Variants in DMD observed in about 807,000 individuals in gnomAD.
The protein encoded by DMD is dystrophin.
Under a neutral mutation model 330.1 loss-of-function variants are expected in DMD, and 63 were observed. The observed-to-expected ratio is 0.19, with a 90% CI of 0.16 to 0.24. The LOEUF (loss-of-function observed/expected upper bound fraction) is 0.24, where lower values mean the gene tolerates loss of function less well. DMD is among the 10% of genes least tolerant of loss of function. The pLI is 1.00. For synonymous variants in DMD, 1,223 were observed against 959.8 expected (o/e 1.27, Z -5.07); for missense variants, 3,344 against 2,684.1 (o/e 1.25, Z -5.43).
intron 47 of DMD, among the ~76,000 whole-genome samples, chrX:31,920,365 T>C (rs943676393): frequency 6.3e-5 from 7 of 111,870 alleles, no homozygotes; most frequent in Admixed American, 4.8e-4. Flanking sequence ...GTCTTAAATA[T>C]GGCCTTTAAT....
intron 7 of DMD, among the ~76,000 whole-genome samples, chrX:32,717,316 C>G (rs2065833091): frequency 9.0e-6 from 1 of 111,257 alleles, no homozygotes; most frequent in African/African-American, 3.3e-5. Context: ...ACACTGCTCC[C>G]TATGTCCCAG....
chrX:31,492,465 C>T (rs1484580153), intron 57 of DMD, among the ~76,000 whole-genome samples: 1 of 111,792 alleles, frequency 8.9e-6, no homozygotes, highest in Non-Finnish European at 1.9e-5. Context: ...CACTCAGGAG[C>T]GATGATGTTG....
intron 1 of DMD, among the ~76,000 whole-genome samples, chrX:33,085,037 T>C (rs1032174489): frequency 3.6e-5 from 4 of 111,507 alleles, no homozygotes; most frequent in Admixed American, 1.9e-4. Context: ...GGTTGTTTTA[T>C]TGTAGCTCAA....
At position 33,158,945 on chromosome X, in the gene DMD, A is replaced by G. The variant is rs188779567; in HGVS notation, c.31+52337T>C. The stretch of plus-strand genomic sequence containing the variant: ...GATAACATTCCCTCATATTTAGGAG[A>G]TAAACTGTCTGCATACATCAATATT... On this transcript the variant is annotated intron_variant, in intron 1 of 78. Coordinates refer to ENST00000357033, the MANE Select transcript of DMD (RefSeq NM_004006.3). Among the ~76,000 whole-genome samples the G allele has an allele frequency of 4.3e-3, 486 of 112,023 alleles. 11 individuals carry two copies. The highest frequency in any genetic ancestry group is 5.4e-3 in the Non-Finnish European group (286 of 53,246).
intron 41 of DMD, among the ~76,000 whole-genome samples, chrX:32,328,983 C>T (rs1300191833): frequency 9.0e-6 from 1 of 111,199 alleles, no homozygotes; most frequent in African/African-American, 3.3e-5. Context: ...ACAGAACAAC[C>T]AACTCTGAAA....
intron 42 of DMD, among the ~76,000 whole-genome samples, chrX:32,298,184 A>C (rs1027397513): frequency 5.4e-5 from 6 of 110,923 alleles, no homozygotes; most frequent in Admixed American, 9.6e-5. Flanking sequence ...TAGAGTCTAC[A>C]GGGGAGAAGG....
intron 22 of DMD, among the ~76,000 whole-genome samples, chrX:32,471,456 T>C (rs934300864): frequency 1.8e-5 from 2 of 111,776 alleles, no homozygotes; most frequent in Non-Finnish European, 3.8e-5. Context: ...TTTATAAATA[T>C]AGCCAGCCCT....
chrX:32,125,908 T>G (rs1469719202), intron 44 of DMD, among the ~76,000 whole-genome samples: 1 of 112,090 alleles, frequency 8.9e-6, no homozygotes, highest in Non-Finnish European at 1.9e-5. Context: ...ACCAGCAGCA[T>G]CAGCATCACT....
chrX:32,172,601 T>C (rs1045904679), intron 44 of DMD, among the ~76,000 whole-genome samples: 1 of 111,453 alleles, frequency 9.0e-6, no homozygotes, highest in Non-Finnish European at 1.9e-5. Flanking sequence ...CTGTCACCTA[T>C]GATCCCACAG....
chrX:32,148,966 T>C, intron 44 of DMD, among the ~76,000 whole-genome samples: 1 of 112,032 alleles, frequency 8.9e-6, no homozygotes, highest in Middle Eastern at 4.7e-3. Context: ...ACTGAATACT[T>C]TGATGAGGTT....
Position 31,924,697 on chromosome X carries a change from C to T in DMD, c.6912+4899G>A, listed in dbSNP as rs768971729. Among the ~76,000 whole-genome samples, 299 of 111,741 alleles carry T rather than the reference C, an allele frequency of 2.7e-3. 4 individuals carry two copies. The highest frequency in any genetic ancestry group is 9.2e-3 in the African/African-American group (284 of 30,805). Reference sequence around the variant, plus strand: ...GTATTTGTAAACCTACCTTTTTCCTCGGTAAAGTGAATAAGATGCACTTAA... The same window carrying T: ...GTATTTGTAAACCTACCTTTTTCCTTGGTAAAGTGAATAAGATGCACTTAA... On this transcript the variant is annotated intron_variant, in intron 47 of 78. Coordinates refer to ENST00000357033, the MANE Select transcript of DMD (RefSeq NM_004006.3).
intron 43 of DMD, among the ~76,000 whole-genome samples, chrX:32,277,918 G>A (rs928103367): frequency 9.1e-6 from 1 of 110,364 alleles, no homozygotes; most frequent in Non-Finnish European, 1.9e-5. Context: ...ACAAGCAGGA[G>A]CAAATCGAAC....
chrX:33,044,799 G>A (rs187158435), intron 1 of DMD, among the ~76,000 whole-genome samples: 121 of 111,889 alleles, frequency 1.1e-3, no homozygotes, highest in African/African-American at 3.6e-3. Flanking sequence ...CCTACTTCTC[G>A]TAAGGAAAAT....
intron 1 of DMD, among the ~76,000 whole-genome samples, chrX:33,033,096 G>C (rs780142612): frequency 9.0e-6 from 1 of 110,927 alleles, no homozygotes; most frequent in Admixed American, 9.6e-5. Flanking sequence ...GAGTTAATCA[G>C]GTGCCAATGC....
At chrX:32,687,372 T>A (rs1434857991) in intron 9 of DMD, among the ~76,000 whole-genome samples, 1 of 112,035 alleles carries the variant, frequency 8.9e-6, no homozygotes, top group African/African-American at 3.2e-5. Flanking sequence ...CATGTTATTC[T>A]TCGGATGTAA....
chrX:31,766,704 A>G (rs113948085), intron 51 of DMD, among the ~76,000 whole-genome samples: 8 of 112,539 alleles, frequency 7.1e-5, no homozygotes, highest in Non-Finnish European at 1.3e-4. Context: ...TTTTGACAGA[A>G]AAGTTTACAG....
chrX:31,339,936 T>C (rs937540775), intron 61 of DMD, among the ~76,000 whole-genome samples: 1 of 112,704 alleles, frequency 8.9e-6, no homozygotes, highest in Non-Finnish European at 1.9e-5. Context: ...ATATTTCAAA[T>C]TGTCTGTCCC....
rs2148959937 is a variant in DMD at position 32,545,265 on chromosome X, C to T, written c.2062G>A (p.Val688Met). The T allele has an allele frequency of 8.3e-7, 1 of 1,210,544 alleles. No homozygotes were observed. The highest frequency in any genetic ancestry group is 1.1e-6 in the Non-Finnish European group (1 of 894,566). Residue 688 changes from valine (V) to methionine (M), a missense_variant, in exon 17 of 79, where the codon GTG becomes ATG. Coordinates refer to ENST00000357033, the MANE Select transcript of DMD (RefSeq NM_004006.3). ...ACCAGGATCTGTTCCCTTGTGGTCA[C>T]CGTAGTTACTGTTTCCATTACAGTT... ...QTTVMETVTTVTTREQILVKH... is the reference protein window; with the variant it reads ...QTTVMETVTTMTTREQILVKH...
chrX:32,045,846 C>CAAATTTCTA (rs2096060949), intron 44 of DMD, among the ~76,000 whole-genome samples: 1 of 112,469 alleles, frequency 8.9e-6, no homozygotes, highest in Non-Finnish European at 1.9e-5. Flanking sequence ...TTCAAAAAAT[C>CAAATTTCTA]AAATTTCTAA....
Sources: gnomAD v4.1 joint callset for allele counts (sites outside exome capture counted in the v4.1 genomes callset) on GRCh38, gnomAD v4.1.1 for gene constraint, MANE v1.5 for transcripts, NCBI Gene and HGNC (gene_info 2026-07-23, HGNC 2026-07-21) for gene names.